HS3ST3B1: variants seen among roughly 807,000 people sequenced by gnomAD.
HS3ST3B1 encodes the protein heparan sulfate-glucosamine 3-sulfotransferase 3B1, also known as heparan sulfate glucosamine 3-O-sulfotransferase 3B1.
HS3ST3B1 carries 13 observed loss-of-function variants against 21.3 expected under a neutral mutation model. That is an observed-to-expected ratio of 0.61 (90% CI 0.40 to 0.97). HS3ST3B1 has a LOEUF of 0.97. HS3ST3B1 is among the 50% of genes least tolerant of loss of function. The pLI is 0.00. For missense variants in HS3ST3B1, 459 were observed against 554.8 expected (o/e 0.83, Z 1.73); for synonymous variants, 234 against 254.8 (o/e 0.92, Z 0.78).
chr17:14,329,466 G>A lies in HS3ST3B1; in HGVS notation c.555-15562G>A, dbSNP rs370305128. 6 of 147,408 alleles carry A rather than the reference G, an allele frequency of 4.1e-5. No homozygotes were observed. The East Asian group carries it at 7.9e-4, about 19-fold the overall frequency. 9.1% of individuals were successfully genotyped at this position (147,408 alleles called of 1,614,324 possible). Reference sequence around the variant, plus strand: ...AGGAAGGGAGGGAGGGAGAGAGAGAGAAAGAAAGAAAAAGAAAGAAGAAAA... The same window carrying A: ...AGGAAGGGAGGGAGGGAGAGAGAGAAAAAGAAAGAAAAAGAAAGAAGAAAA... On this transcript the variant is annotated intron_variant, in intron 1 of 1. Transcript: ENST00000360954.
At chr17:14,306,258 T>G (rs1909137049) in intron 1 of HS3ST3B1, among the ~76,000 whole-genome samples, 1 of 152,200 alleles carries the variant, frequency 6.6e-6, no homozygotes, top group Non-Finnish European at 1.5e-5. Flanking sequence ...TTCATTTTTC[T>G]GCAAAGGACA....
intron 1 of HS3ST3B1, among the ~76,000 whole-genome samples, chr17:14,320,040 C>A (rs1424588484): frequency 6.6e-6 from 1 of 152,088 alleles, no homozygotes; most frequent in Non-Finnish European, 1.5e-5. Context: ...GTCAGAGAGG[C>A]AGGTCTTGAT....
In HS3ST3B1 at chr17:14,302,067, G is replaced by A. The variant is rs1226495939; in HGVS notation, c.549G>A (p.Trp183Ter). Residue 183 changes from tryptophan (W) to a stop codon, truncating the protein, a stop_gained, in exon 1 of 2, where the codon TGG (tryptophan) becomes TGA (stop). Coordinates refer to ENST00000360954, the MANE Select transcript of HS3ST3B1 (RefSeq NM_006041.3). LOFTEE classifies it high-confidence loss of function. ...FDRSYDKGLA[W>*]YRDLMPRTLD... The stretch of plus-strand genomic sequence containing the variant: ...GCAGCTACGACAAGGGCCTCGCTTG[G>A]TACCGGTGAGTTTCCCTGCCAGGGG... The A allele has an allele frequency of 6.3e-7, 1 of 1,597,298 alleles. No individual in the cohort carries two copies. The highest frequency in any genetic ancestry group is 8.5e-7 in the Non-Finnish European group (1 of 1,176,542).
At chr17:14,342,068 CAAG>C (rs1370860323) in intron 1 of HS3ST3B1, among the ~76,000 whole-genome samples, 2 of 152,190 alleles carry the variant, frequency 1.3e-5, no homozygotes, top group Admixed American at 6.5e-5. Context: ...TGGCAGTCTG[CAAG>C]AAGGAGTGCC....
At chr17:14,329,321 G>GAAAT (rs1491415968) in intron 1 of HS3ST3B1, 1 of 93,814 alleles carries the variant, frequency 1.1e-5, no homozygotes, top group Non-Finnish European at 2.1e-5. Context: ...AAGAGAGAAA[G>GAAAT]AAAGAAAGAA....
chr17:14,345,292 C>T lies in HS3ST3B1; in HGVS notation c.819C>T (p.Ile273=), dbSNP rs556525209. ...LIDTSWSAIQ[I]GIYAKHLEHW... is the part of the protein sequence containing the mutation. Reference sequence around the variant, plus strand: ...ACACGTCGTGGAGCGCCATCCAGATCGGCATCTACGCCAAGCACCTGGAGC... The same window carrying T: ...ACACGTCGTGGAGCGCCATCCAGATTGGCATCTACGCCAAGCACCTGGAGC... Residue 273 remains isoleucine, a synonymous_variant, in exon 2 of 2, where the codon ATC becomes ATT. Transcript: ENST00000360954. 6 of 1,135,022 alleles carry T rather than the reference C, an allele frequency of 5.3e-6. No homozygotes were observed. The highest frequency in any genetic ancestry group is 4.4e-5 in the African/African-American group (3 of 67,546). The allele number at this position is 1,135,022 out of a possible 1,614,324, so 70.3% of individuals were successfully genotyped here.
At chr17:14,338,626 A>T (rs1365190617) in intron 1 of HS3ST3B1, among the ~76,000 whole-genome samples, 2 of 151,252 alleles carry the variant, frequency 1.3e-5, no homozygotes. Flanking sequence ...TATTTTTAGT[A>T]GAGATTAGGT....
intron 1 of HS3ST3B1, among the ~76,000 whole-genome samples, chr17:14,330,632 G>A (rs1909981143): frequency 6.6e-6 from 1 of 151,038 alleles, no homozygotes; most frequent in Non-Finnish European, 1.5e-5. Flanking sequence ...TGTGTTGACT[G>A]GTGTTGCAGA....
At position 14,339,203 on chromosome 17, in the gene HS3ST3B1, AG is replaced by A. The variant is rs528810450; in HGVS notation, c.555-5821del. 2.9e-3 allele frequency among the ~76,000 whole-genome samples: 436 copies of A among 152,148 alleles called. 11 individuals carry two copies. The highest frequency in any genetic ancestry group is 0.01 in the Middle Eastern group (3 of 294). ...GAAGAGGCGGGGCCAGGGTTGCTGG[AG>A]GGGAGGTGCTGTTGCAATGATTGGT... is the stretch of plus-strand genomic sequence containing the variant. On this transcript the variant is annotated intron_variant, in intron 1 of 1. Transcript: ENST00000360954.
chr17:14,345,800 A>G lies in HS3ST3B1; in HGVS notation c.*154A>G. The G allele has an allele frequency of 2.1e-6, 2 of 963,394 alleles. No homozygotes were observed. Among genetic ancestry groups the G allele is most frequent in the Non-Finnish European group, 3.0e-6 (2 of 673,494 alleles). The allele number at this position is 963,394 out of a possible 1,614,324, so 59.7% of individuals were successfully genotyped here. On this transcript the variant is annotated 3_prime_UTR_variant, in exon 2 of 2. Coordinates refer to ENST00000360954, the MANE Select transcript of HS3ST3B1 (RefSeq NM_006041.3). ...GCCTAGCCACACTCTTTAGAGAGTT[A>G]GCTTCATAATCTGTTAACATTCCAA... is the stretch of plus-strand genomic sequence containing the variant.
At chr17:14,327,371 C>T (rs1909851112) in intron 1 of HS3ST3B1, 1 of 152,112 alleles carries the variant, frequency 6.6e-6, no homozygotes, top group African/African-American at 2.4e-5. Context: ...TACTGGCCAC[C>T]AGAGGTAAAG....
At chr17:14,312,218 A>G (rs1178258068) in intron 1 of HS3ST3B1, among the ~76,000 whole-genome samples, 1 of 152,070 alleles carries the variant, frequency 6.6e-6, no homozygotes, top group African/African-American at 2.4e-5. Flanking sequence ...TTATTTTCCA[A>G]GGGAGGAAAC....
Position 14,301,968 on chromosome 17 carries a change from G to C in HS3ST3B1, c.450G>C (p.Thr150=), listed in dbSNP as rs369400254. ...AIIIGVKKGG[T]RALLEFLRVH... The stretch of plus-strand genomic sequence containing the variant: ...TCATCGGCGTGAAGAAGGGCGGCAC[G>C]CGGGCGCTGCTGGAGTTTCTGCGCG... The change falls in exon 1 of 2, where the codon ACG becomes ACC. Residue 150 remains threonine (T), a synonymous_variant. Coordinates refer to ENST00000360954, the MANE Select transcript of HS3ST3B1 (RefSeq NM_006041.3). 5 of 1,608,512 alleles carry C rather than the reference G, an allele frequency of 3.1e-6. No individual in the cohort carries two copies. The highest frequency in any genetic ancestry group is 4.2e-6 in the Non-Finnish European group (5 of 1,178,296).
At chr17:14,311,102 T>A (rs924173020) in intron 1 of HS3ST3B1, among the ~76,000 whole-genome samples, 1 of 151,822 alleles carries the variant, frequency 6.6e-6, no homozygotes, top group African/African-American at 2.4e-5. Flanking sequence ...TTTTTTTTTT[T>A]AAGACAGGGT....
intron 1 of HS3ST3B1, among the ~76,000 whole-genome samples, chr17:14,313,145 T>TATACATATA (rs1349125456): frequency 4.6e-5 from 7 of 150,628 alleles, no homozygotes; most frequent in Non-Finnish European, 7.4e-5. Flanking sequence ...TATATATATA[T>TATACATATA]TTTTAGTAGA....
chr17:14,310,563 G>T (rs11870163), intron 1 of HS3ST3B1, among the ~76,000 whole-genome samples: 55,647 of 152,142 alleles, frequency 0.37, 10,988 homozygotes, highest in Admixed American at 0.44. Context: ...TGTTGAAGAA[G>T]TACAAGATTT....
rs537791611 is a variant in HS3ST3B1, at chr17:14,301,438, G to A, written c.-81G>A. The A allele has an allele frequency of 1.3e-5, 16 of 1,263,480 alleles. No homozygotes were observed. Among genetic ancestry groups the A allele is most frequent in the African/African-American group, 3.1e-5 (2 of 63,544 alleles). The allele number at this position is 1,263,480 out of a possible 1,614,324, so 78.3% of individuals were successfully genotyped here. ...GCCACCCGGGCGTCCAGCGTGCCGG[G>A]GAACCCTCTCTGCGCTCACTGCCCG... On this transcript the variant is annotated 5_prime_UTR_variant, in exon 1 of 2. Transcript: ENST00000360954.
In HS3ST3B1 at chr17:14,301,769, CG is replaced by C; in HGVS notation, c.252del (p.Arg87GlyfsTer59). 6.4e-7 allele frequency: 1 copy of C among 1,572,296 alleles called. No homozygotes were observed. The highest frequency in any genetic ancestry group is 8.6e-7 in the Non-Finnish European group (1 of 1,159,842). Reference protein sequence around the residue: ...PPALATAPDGTPPRLPFRAPP... With the variant: ...PPALATAPDGXPPRLPFRAPP... ...GCCCTGGCCACAGCTCCGGACGGGA[CG>C]CCCCCCAGGCTGCCGTTCCGGGCGC... On this transcript the variant is annotated frameshift_variant, in exon 1 of 2. Transcript: ENST00000360954. LOFTEE classifies it high-confidence loss of function.
intron 1 of HS3ST3B1, among the ~76,000 whole-genome samples, chr17:14,341,418 C>G (rs1379565245): frequency 1.3e-5 from 2 of 152,198 alleles, no homozygotes; most frequent in Non-Finnish European, 2.9e-5. Context: ...TTTCCAAGAT[C>G]CTGTCAACAG....
Sources: allele counts gnomAD v4.1 joint callset (sites outside exome capture counted in the v4.1 genomes callset), GRCh38; gene constraint gnomAD v4.1.1; transcripts MANE v1.5; gene names NCBI Gene and HGNC (gene_info 2026-07-23, HGNC 2026-07-21).